Variants in LRRC18 observed in about 807,000 individuals in gnomAD.
LRRC18 encodes the protein leucine-rich repeat-containing protein 18.
A neutral mutation model predicts 11.2 loss-of-function variants in LRRC18; 12 were observed. The ratio of observed to expected loss-of-function variants is 1.07; its 90% CI spans 0.69 to 1.74. The LOEUF is 1.74. Among genes scored for constraint, LRRC18 ranks in the 40% most tolerant of loss-of-function variants. The probability of loss-of-function intolerance (pLI) is 0.00; values close to 1 mark genes in which losing one functional copy is unlikely to be tolerated. For synonymous variants in LRRC18, 155 were observed against 130.6 expected (o/e 1.19, Z -1.27); for missense variants, 374 against 330.5 (o/e 1.13, Z -1.02).
At chr10:48,933,472 C>T in the LRRC18 span, among the ~76,000 whole-genome samples, 12 of 152,312 alleles carry the variant, frequency 7.9e-5, no homozygotes, top group African/African-American at 2.6e-4. Context: ...CTCTCTTGGC[C>T]GCCAGTGGCT....
chr10:48,926,570 A>G, the LRRC18 span, among the ~76,000 whole-genome samples: 1 of 152,230 alleles, frequency 6.6e-6, no homozygotes, highest in Non-Finnish European at 1.5e-5. Flanking sequence ...CCACAGGCAA[A>G]TAAGGTCCCT....
At chr10:48,925,210 C>T in the LRRC18 span, among the ~76,000 whole-genome samples, 1 of 152,350 alleles carries the variant, frequency 6.6e-6, no homozygotes, top group African/African-American at 2.4e-5. Context: ...CAGGCCAGCT[C>T]ACCTAACTGT....
chr10:48,933,125 G>A, the LRRC18 span, among the ~76,000 whole-genome samples: 1 of 152,196 alleles, frequency 6.6e-6, no homozygotes, highest in African/African-American at 2.4e-5. Context: ...GAGGGACCAT[G>A]TGGATCCAGG....
At chr10:48,913,532 C>T (rs750366620) in exon 1 of LRRC18, 30 of 1,613,856 alleles carry the variant, frequency 1.9e-5, no homozygotes, top group East Asian at 8.9e-5. Context: ...TCAGGCAAGC[C>T]GCACACAGAT....
At chr10:48,913,237 C>T (rs1838169197) in intron 1 of LRRC18, 155 bp downstream of exon 3, 2 of 727,912 alleles carry the variant, frequency 2.7e-6, no homozygotes, top group Admixed American at 2.3e-5. Flanking sequence ...TCAACACAAT[C>T]ACACGCCGAG....
At chr10:48,918,905 T>C (rs1300981233), upstream of LRRC18, among the ~76,000 whole-genome samples, 1 of 152,204 alleles carries the variant, frequency 6.6e-6, no homozygotes, top group Non-Finnish European at 1.5e-5. Flanking sequence ...AAATGTCCAC[T>C]GAGGAGCAAA....
exon 2 of LRRC18, chr10:48,910,134 A>G: frequency 8.9e-7 from 1 of 1,126,738 alleles, no homozygotes; most frequent in Non-Finnish European, 1.4e-6. Flanking sequence ...GGTTTCCAGA[A>G]CATCTCACTT....
At chr10:48,931,031 A>T in the LRRC18 span, among the ~76,000 whole-genome samples, 1 of 152,004 alleles carries the variant, frequency 6.6e-6, no homozygotes, top group Non-Finnish European at 1.5e-5. Flanking sequence ...CCTGCAACAG[A>T]TATAAAATCT....
At chr10:48,915,300 G>A (rs1838413424), upstream of LRRC18, among the ~76,000 whole-genome samples, 1 of 152,102 alleles carries the variant, frequency 6.6e-6, no homozygotes, top group African/African-American at 2.4e-5. Context: ...CTATCATAGC[G>A]AGACTGAGGC....
chr10:48,911,011 C>T, intron 1 of LRRC18: 2 of 520,240 alleles, frequency 3.8e-6, no homozygotes, highest in African/African-American at 2.1e-5. Flanking sequence ...GGAAAGTCAT[C>T]ATGTAGCTAT....
chr10:48,924,516 A>G, the LRRC18 span, among the ~76,000 whole-genome samples: 1 of 152,254 alleles, frequency 6.6e-6, no homozygotes, highest in African/African-American at 2.4e-5. Context: ...GAATGGATGT[A>G]TTTATGTATG....
exon 2 of LRRC18, chr10:48,910,032 A>G: frequency 1.8e-6 from 1 of 560,228 alleles, no homozygotes; most frequent in Non-Finnish European, 3.2e-6. Context: ...AATATTTCCC[A>G]AAGTCATTTT....
At chr10:48,929,793 C>T in the LRRC18 span, among the ~76,000 whole-genome samples, 160 of 152,240 alleles carry the variant, frequency 1.1e-3, no homozygotes, top group African/African-American at 3.7e-3. Context: ...CAGCCTCTTC[C>T]GGCTGGGCTG....
the LRRC18 span, among the ~76,000 whole-genome samples, chr10:48,922,555 C>T: frequency 6.6e-6 from 1 of 152,290 alleles, no homozygotes; most frequent in South Asian, 2.1e-4. Flanking sequence ...AATTGTTGTT[C>T]ATCTCTTACG....
chr10:48,931,987 C>T, the LRRC18 span, among the ~76,000 whole-genome samples: 41 of 152,256 alleles, frequency 2.7e-4, no homozygotes, highest in South Asian at 1.0e-3. Context: ...CTGAAAAGGC[C>T]GGTGGGTAGG....
chr10:48,927,025 C>G, the LRRC18 span, among the ~76,000 whole-genome samples: 1 of 152,160 alleles, frequency 6.6e-6, no homozygotes, highest in African/African-American at 2.4e-5. Flanking sequence ...CTGGTTCTCA[C>G]CAGAGAGGCA....
At chr10:48,938,355 G>T in the LRRC18 span, among the ~76,000 whole-genome samples, 3 of 152,266 alleles carry the variant, frequency 2.0e-5, no homozygotes, top group African/African-American at 7.2e-5. Context: ...GATAGGCAGA[G>T]ACCCCAGACT....
chr10:48,914,571 A>G (rs1191974044), upstream of LRRC18, among the ~76,000 whole-genome samples: 3 of 152,128 alleles, frequency 2.0e-5, no homozygotes, highest in African/African-American at 4.8e-5. Context: ...GTTCTTGGAT[A>G]TCTGCCCCTT....
exon 1 of LRRC18, chr10:48,914,148 T>C (rs1564479221): frequency 3.7e-6 from 6 of 1,612,594 alleles, no homozygotes; most frequent in Non-Finnish European, 5.1e-6. Context: ...TTTCTCACCC[T>C]TAACCATGTT....
Sources: allele counts gnomAD v4.1 joint callset (sites outside exome capture counted in the v4.1 genomes callset), GRCh38; gene constraint gnomAD v4.1.1; transcripts MANE v1.5; gene names NCBI Gene and HGNC (gene_info 2026-07-23, HGNC 2026-07-21).